FBXL13: variants seen among roughly 807,000 people sequenced by gnomAD.
FBXL13 encodes F-box and leucine rich repeat protein 13.
FBXL13 carries 67 observed loss-of-function variants against 83.6 expected under a neutral mutation model. The observed-to-expected ratio is 0.80, with a 90% CI of 0.66 to 0.98. FBXL13 has a LOEUF of 0.98. Among genes scored for constraint, FBXL13 ranks in the 50% least tolerant of loss-of-function variants. FBXL13 has a pLI of 0.00. For missense variants in FBXL13, 822 were observed against 866.5 expected (o/e 0.95, Z 0.64); for synonymous variants, 272 against 299.5 (o/e 0.91, Z 0.95).
intron 16 of FBXL13, among the ~76,000 whole-genome samples, chr7:102,875,509 G>C (rs1250326346): frequency 6.6e-6 from 1 of 152,124 alleles, no homozygotes. Context: ...GGAACCCCCG[G>C]GTAGGCTTGG....
At chr7:103,051,965 A>C (rs999142885) in intron 2 of FBXL13, among the ~76,000 whole-genome samples, 1 of 152,218 alleles carries the variant, frequency 6.6e-6, no homozygotes, top group African/African-American at 2.4e-5. Context: ...GCTAGGTTGC[A>C]GTTCTTCCAC....
chr7:102,826,769 A>ATATATATATGTATG (rs1414065543), intron 18 of FBXL13, among the ~76,000 whole-genome samples: 6 of 100,742 alleles, frequency 6.0e-5, no homozygotes, highest in African/African-American at 2.3e-4. Context: ...ATATATATAT[A>ATATATATATGTATG]TATGTATATA....
intron 10 of FBXL13, among the ~76,000 whole-genome samples, chr7:102,921,370 G>T (rs1347982831): frequency 6.6e-6 from 1 of 152,042 alleles, no homozygotes; most frequent in East Asian, 1.9e-4. Context: ...TATACACACA[G>T]AAATTTTGTT....
intron 18 of FBXL13, 128 bp from the exon 20 acceptor site, chr7:102,822,331 C>A: frequency 1.1e-6 from 1 of 889,688 alleles, no homozygotes. Flanking sequence ...ACATTTATTT[C>A]TCACAGTTCT....
chr7:103,024,440 T>C (rs7800789), intron 6 of FBXL13, among the ~76,000 whole-genome samples: 5,388 of 146,550 alleles, frequency 0.037, 303 homozygotes, highest in African/African-American at 0.13. Context: ...GGCTGGAGAA[T>C]CGCTTGAACC....
chr7:103,017,968 C>T (rs978220734), intron 6 of FBXL13, among the ~76,000 whole-genome samples: 3 of 151,856 alleles, frequency 2.0e-5, no homozygotes, highest in East Asian at 1.9e-4. Flanking sequence ...CAGGAAATAC[C>T]GAGAACGCCA....
intron 16 of FBXL13, among the ~76,000 whole-genome samples, chr7:102,873,784 T>A (rs1470985763): frequency 6.6e-6 from 1 of 152,120 alleles, no homozygotes; most frequent in African/African-American, 2.4e-5. Flanking sequence ...AATGTGTAGG[T>A]TTCTTGATAT....
At chr7:103,015,427 T>C (rs1218919658) in intron 6 of FBXL13, among the ~76,000 whole-genome samples, 1 of 152,192 alleles carries the variant, frequency 6.6e-6, no homozygotes, top group African/African-American at 2.4e-5. Context: ...TATGATTCTA[T>C]ACCTAGAAAA....
intron 17 of FBXL13, among the ~76,000 whole-genome samples, chr7:102,849,689 C>T (rs918677199): frequency 2.0e-5 from 3 of 152,140 alleles, no homozygotes; most frequent in African/African-American, 4.8e-5. Context: ...ACTTTCTCCT[C>T]CCCCGGCTTT....
chr7:103,056,731 T>C (rs1252982381), intron 1 of FBXL13, among the ~76,000 whole-genome samples: 23 of 152,198 alleles, frequency 1.5e-4, no homozygotes, highest in Admixed American at 1.5e-3. Context: ...GTGCTGGGAT[T>C]ACAGGCATGA....
intron 16 of FBXL13, among the ~76,000 whole-genome samples, chr7:102,874,892 C>T (rs1049699120): frequency 3.3e-5 from 5 of 152,168 alleles, no homozygotes; most frequent in Non-Finnish European, 7.3e-5. Context: ...TTAACTTGTC[C>T]TCTGTAGATA....
At chr7:103,035,500 T>C (rs141122496) in intron 2 of FBXL13, among the ~76,000 whole-genome samples, 3 of 152,336 alleles carry the variant, frequency 2.0e-5, no homozygotes, top group East Asian at 3.9e-4. Flanking sequence ...CAAATTACTG[T>C]TGACTTAACA....
At chr7:102,829,225 A>C (rs962029631) in intron 18 of FBXL13, among the ~76,000 whole-genome samples, 1 of 152,210 alleles carries the variant, frequency 6.6e-6, no homozygotes, top group African/African-American at 2.4e-5. Flanking sequence ...CAGGCCCTCC[A>C]GGAATCCTCG....
At chr7:102,878,277 T>G in intron 15 of FBXL13, 54 bp downstream of exon 16, 6 of 1,460,722 alleles carry the variant, frequency 4.1e-6, no homozygotes, top group Non-Finnish European at 5.5e-6. Flanking sequence ...TCATGTCTCC[T>G]ATTATCAAAT....
chr7:102,987,488 G>A (rs551541440), intron 6 of FBXL13, among the ~76,000 whole-genome samples: 1 of 152,160 alleles, frequency 6.6e-6, no homozygotes, highest in East Asian at 1.9e-4. Flanking sequence ...GATATGGGGA[G>A]GATTACATGA....
intron 1 of FBXL13, among the ~76,000 whole-genome samples, chr7:103,067,935 G>C (rs1202957476): frequency 2.0e-5 from 3 of 152,218 alleles, no homozygotes; most frequent in African/African-American, 4.8e-5. Context: ...AAAGATAATT[G>C]AATGAAATGG....
intron 1 of FBXL13, among the ~76,000 whole-genome samples, chr7:103,071,440 G>A (rs553195213): frequency 6.6e-6 from 1 of 152,098 alleles, no homozygotes; most frequent in South Asian, 2.1e-4. Flanking sequence ...CTGGAGTTCA[G>A]TGGTGCAATC....
intron 18 of FBXL13, among the ~76,000 whole-genome samples, chr7:102,831,429 A>C (rs1271460108): frequency 2.0e-5 from 3 of 148,770 alleles, no homozygotes; most frequent in African/African-American, 5.0e-5. Context: ...ACACACACAC[A>C]CACCCCACTA....
chr7:102,834,960 A>T (rs1801615715), intron 17 of FBXL13, among the ~76,000 whole-genome samples: 1 of 151,086 alleles, frequency 6.6e-6, no homozygotes, highest in South Asian at 2.1e-4. Flanking sequence ...TACAATTTTT[A>T]TTTGTCAGTT....
Sources: gnomAD v4.1 joint callset for allele counts (sites outside exome capture counted in the v4.1 genomes callset) on GRCh38, gnomAD v4.1.1 for gene constraint, MANE v1.5 for transcripts, NCBI Gene and HGNC (gene_info 2026-07-23, HGNC 2026-07-21) for gene names.